Variants in KIAA1210 observed in about 807,000 individuals in gnomAD.
KIAA1210 encodes KIAA1210, also known as acrosomal protein KIAA1210.
In KIAA1210, 48 loss-of-function variants were observed where a neutral mutation model predicts 78.9. The ratio of observed to expected loss-of-function variants is 0.61; its 90% CI spans 0.48 to 0.77. The LOEUF is 0.77. Ranked by LOEUF, KIAA1210 falls within the 30% of genes least tolerant of loss-of-function variation. KIAA1210 has a pLI of 0.00. For missense variants in KIAA1210, 1,108 were observed against 1,100.0 expected, an observed-to-expected ratio of 1.01 and a Z score of -0.10; for synonymous variants, 406 against 404.5, an observed-to-expected ratio of 1.00 and a Z score of -0.04.
At chrX:119,144,743 T>C (rs1257759458) in intron 2 of KIAA1210, among the ~76,000 whole-genome samples, 2 of 112,501 alleles carry the variant, frequency 1.8e-5, no homozygotes, top group African/African-American at 3.2e-5. Flanking sequence ...CTTACTGTGC[T>C]AGATACTGCT....
intron 2 of KIAA1210, among the ~76,000 whole-genome samples, chrX:119,135,151 G>C (rs1011416883): frequency 2.7e-5 from 3 of 111,663 alleles, no homozygotes; most frequent in African/African-American, 9.8e-5. Context: ...CTCAAACCCA[G>C]TTCTGGATTT....
chrX:119,140,187 CTG>C (rs1929014682), intron 2 of KIAA1210, among the ~76,000 whole-genome samples: 1 of 112,024 alleles, frequency 8.9e-6, no homozygotes, highest in Non-Finnish European at 1.9e-5. Context: ...TTGCAGAAAA[CTG>C]TCTTACTTTC....
intron 3 of KIAA1210, among the ~76,000 whole-genome samples, chrX:119,112,032 C>T (rs1171841776): frequency 9.0e-6 from 1 of 111,121 alleles, no homozygotes; most frequent in Non-Finnish European, 1.9e-5. Flanking sequence ...GGGCAGTTTC[C>T]CCCATGCTGT....
At chrX:119,122,658 T>C (rs1308268830) in intron 2 of KIAA1210, among the ~76,000 whole-genome samples, 1 of 112,384 alleles carries the variant, frequency 8.9e-6, no homozygotes, top group East Asian at 2.8e-4. Flanking sequence ...CACTCATTTA[T>C]TCATTCATTC....
chrX:119,093,930 C>T (rs781550546), intron 7 of KIAA1210, 155 bp from the exon 8 acceptor site: 6 of 934,132 alleles, frequency 6.4e-6, no homozygotes, highest in Non-Finnish European at 7.7e-6. Flanking sequence ...GAGATATTTC[C>T]AGGGATTTCT....
At chrX:119,149,665 C>T (rs759352945) in intron 1 of KIAA1210, among the ~76,000 whole-genome samples, 19 of 112,234 alleles carry the variant, frequency 1.7e-4, no homozygotes, top group Non-Finnish European at 2.6e-4. Context: ...GCTTGCAATA[C>T]GTAAACATAT....
At chrX:119,131,605 G>A (rs1015711302), upstream of KIAA1210, among the ~76,000 whole-genome samples, 1 of 112,621 alleles carries the variant, frequency 8.9e-6, no homozygotes, top group Non-Finnish European at 1.9e-5. Flanking sequence ...AATAAAAGGA[G>A]GATTTAGAGA....
chrX:119,130,088 A>G (rs1326595721), upstream of KIAA1210, among the ~76,000 whole-genome samples: 1 of 112,312 alleles, frequency 8.9e-6, no homozygotes, highest in African/African-American at 3.2e-5. Context: ...AAAAAGGCAC[A>G]GTGTTCTCTC....
upstream of KIAA1210, chrX:119,150,615 C>A: frequency 8.6e-7 from 1 of 1,165,263 alleles, no homozygotes; most frequent in Non-Finnish European, 1.1e-6. Flanking sequence ...CTGTGTCCCC[C>A]GACCTGCCGA....
rs1258792783 is a variant in KIAA1210, at chrX:119,080,195, G to A, written c.*1134C>T. 6 of 111,981 alleles carry A rather than the reference G, an allele frequency of 5.4e-5. No individual in the cohort carries two copies. Among genetic ancestry groups the A allele is most frequent in the Admixed American group, 1.9e-4 (2 of 10,600 alleles). The allele number at this position is 111,981 out of a possible 1,213,427, so 9.2% of individuals were successfully genotyped here. ...GTATTGGGACAAGAAGCAAAACATT[G>A]ATGGACTAACCCTCCAGAGGAGTAA... is the stretch of plus-strand genomic sequence containing the variant. On this transcript the variant is annotated 3_prime_UTR_variant, in exon 12 of 12. Coordinates refer to ENST00000691062, the MANE Select transcript of KIAA1210 (RefSeq NM_001394962.1).
chrX:119,144,406 T>A (rs1213047415), intron 2 of KIAA1210, among the ~76,000 whole-genome samples: 1 of 112,702 alleles, frequency 8.9e-6, no homozygotes, highest in Non-Finnish European at 1.9e-5. Flanking sequence ...ATGTGCAAAC[T>A]TTTGGCACAA....
intron 7 of KIAA1210, among the ~76,000 whole-genome samples, chrX:119,095,783 G>A (rs1018286438): frequency 8.9e-6 from 1 of 112,397 alleles, no homozygotes; most frequent in African/African-American, 3.2e-5. Context: ...TTTTCTAGAT[G>A]ACTTGGACAA....
intron 2 of KIAA1210, among the ~76,000 whole-genome samples, chrX:119,133,593 C>T (rs1928844324): frequency 9.0e-6 from 1 of 111,127 alleles, no homozygotes. Flanking sequence ...TGTTTGTGCT[C>T]CTAGGAGCAG....
In KIAA1210 at chrX:119,089,254, C is replaced by T. The variant is rs1927282748; in HGVS notation, c.1448G>A (p.Gly483Glu). The change falls in exon 9 of 12, where the codon GGA becomes GAA. Residue 483 changes from glycine to glutamate, a missense_variant. This residue lies in a region of KIAA1210 where 672 missense variants were observed against 607.1 expected (regional missense o/e 1.11). Coordinates refer to ENST00000691062, the MANE Select transcript of KIAA1210 (RefSeq NM_001394962.1). ...PQPYHEDAAS[G>E]AEKTEARASL... ...AGCTCTGGCTTCTGTCTTCTCAGCT[C>T]CAGAAGCTGCATCTTCATGGTATGG... 2 of 1,209,930 alleles carry T rather than the reference C, an allele frequency of 1.7e-6. No homozygotes were observed. The highest frequency in any genetic ancestry group is 5.9e-5 in the East Asian group (2 of 33,794).
At chrX:119,095,824 G>A (rs1215381795) in intron 7 of KIAA1210, among the ~76,000 whole-genome samples, 1 of 112,431 alleles carries the variant, frequency 8.9e-6, no homozygotes, top group African/African-American at 3.2e-5. Flanking sequence ...ATTGGACTAT[G>A]ATATAGTGTG....
chrX:119,118,265 G>A (rs1014671001), intron 2 of KIAA1210, among the ~76,000 whole-genome samples: 2 of 111,841 alleles, frequency 1.8e-5, no homozygotes, highest in African/African-American at 6.5e-5. Flanking sequence ...TCTGTGACCT[G>A]GAGTAGGTCA....
chrX:119,084,291 T>G (rs1927063540), intron 10 of KIAA1210, among the ~76,000 whole-genome samples: 1 of 111,186 alleles, frequency 9.0e-6, no homozygotes, highest in Non-Finnish European at 1.9e-5. Context: ...CATGTGGTAG[T>G]TAGCCTAGTT....
rs771767870 is a variant in KIAA1210 at position 119,119,621 on chromosome X, G to T, written c.62-2957C>A. Among the ~76,000 whole-genome samples the T allele has an allele frequency of 1.1e-4, 12 of 112,177 alleles. No homozygotes were observed. The East Asian group carries it at 3.3e-3, about 31-fold the overall frequency. The stretch of plus-strand genomic sequence containing the variant: ...GCACTTTGGGAAGCCAAGGCAGGAG[G>T]ATTGCTTGAGCTCAGGAGTTCGAGA... On this transcript the variant is annotated intron_variant, in intron 2 of 11. Coordinates refer to ENST00000691062, the MANE Select transcript of KIAA1210 (RefSeq NM_001394962.1).
chrX:119,106,860 C>T (rs2147182166), intron 5 of KIAA1210, among the ~76,000 whole-genome samples: 1 of 112,184 alleles, frequency 8.9e-6, no homozygotes, highest in South Asian at 3.7e-4. Flanking sequence ...ACCTGGATTT[C>T]TTCTTTAACA....
Sources: gnomAD v4.1 joint callset for allele counts (sites outside exome capture counted in the v4.1 genomes callset) on GRCh38, gnomAD v4.1.1 for gene constraint, gnomAD v4.1.1 regional missense constraint, MANE v1.5 for transcripts, NCBI Gene and HGNC (gene_info 2026-07-23, HGNC 2026-07-21) for gene names.